The following CLEC2D variants were observed in gnomAD, a reference collection of about 807,000 sequenced individuals.
The protein encoded by CLEC2D is C-type lectin related f.
In CLEC2D, 16 loss-of-function variants were observed where a neutral mutation model predicts 20.0. The observed-to-expected ratio is 0.80, with a 90% CI of 0.54 to 1.22. CLEC2D has a LOEUF of 1.22. Among genes scored for constraint, CLEC2D ranks in the 50% most tolerant of loss-of-function variants. The pLI is 0.00. For missense variants in CLEC2D, 207 were observed against 221.5 expected, an observed-to-expected ratio of 0.93 and a Z score of 0.42; for synonymous variants, 77 against 71.1, an observed-to-expected ratio of 1.08 and a Z score of -0.42.
At position 9,695,962 on chromosome 12, in the gene CLEC2D, A is replaced by C. The variant is rs1316251011; in HGVS notation, c.*1088A>C. ...AGATACTCCAGCCAAAAATGCACAA[A>C]AGTCAAATCAGAATGGAAAAGACTC... is the stretch of plus-strand genomic sequence containing the variant. On this transcript the variant is annotated 3_prime_UTR_variant, in exon 5 of 5. Coordinates refer to ENST00000290855, the MANE Select transcript of CLEC2D (RefSeq NM_013269.6). The C allele has an allele frequency of 1.9e-6, 3 of 1,562,906 alleles. No homozygotes were observed. Among genetic ancestry groups the C allele is most frequent in the Non-Finnish European group, 2.6e-6 (3 of 1,148,738 alleles).
rs1283845735 is a variant in CLEC2D at position 9,694,997 on chromosome 12, A to G, written c.*123A>G. On this transcript the variant is annotated 3_prime_UTR_variant, in exon 5 of 5. Transcript: ENST00000290855. Reference sequence around the variant, plus strand: ...ATATGAAAATATGCTCAATATCACTAATAACTGGGAAAATACAAATCAAAA... The same window carrying G: ...ATATGAAAATATGCTCAATATCACTGATAACTGGGAAAATACAAATCAAAA... 9 of 620,128 alleles carry G rather than the reference A, an allele frequency of 1.5e-5. No individual in the cohort carries two copies. The highest frequency in any genetic ancestry group is 9.6e-5 in the South Asian group (5 of 52,120). 38.4% of individuals were successfully genotyped at this position (620,128 alleles called of 1,614,324 possible).
In CLEC2D at chr12:9,697,678, A is replaced by G. The variant is rs2121002733; in HGVS notation, c.*2804A>G. ...ATATACTAAGTGAAATAAGCCAGAC[A>G]CAGAAAAAAAATGTTGCATGATCTC... is the stretch of plus-strand genomic sequence containing the variant. On this transcript the variant is annotated 3_prime_UTR_variant, in exon 5 of 5. Transcript: ENST00000290855. 6.6e-6 allele frequency: 1 copy of G among 151,844 alleles called. No homozygotes were observed. The highest frequency in any genetic ancestry group is 1.5e-5 in the Non-Finnish European group (1 of 67,984). The allele number at this position is 151,844 out of a possible 1,614,324, so 9.4% of individuals were successfully genotyped here. A position where few individuals can be genotyped will look rare whatever the true frequency, so the allele number is the denominator to read the frequency against.
chr12:9,692,921 T>G lies in CLEC2D; in HGVS notation c.451T>G (p.Trp151Gly). The G allele has an allele frequency of 1.2e-6, 2 of 1,613,018 alleles. No homozygotes were observed. The highest frequency in any genetic ancestry group is 1.7e-6 in the Non-Finnish European group (2 of 1,179,148). The change falls in exon 4 of 5, where the codon TGG becomes GGG. Residue 151 changes from tryptophan (W) to glycine (G), a missense_variant. Coordinates refer to ENST00000290855, the MANE Select transcript of CLEC2D (RefSeq NM_013269.6). ...ATGGAAATGGATAAATGGTACTGAA[T>G]GGACAAGACAGTAAGTTCTAAAAAT... ...QPWKWINGTE[W>G]TRQFPILGAG...
Position 9,698,098 on chromosome 12 carries a change from ATT to A in CLEC2D, c.*3229_*3230del, listed in dbSNP as rs932526454. 1.4e-4 allele frequency: 21 copies of A among 152,270 alleles called. No homozygotes were observed. The East Asian group carries it at 4.0e-3, about 29-fold the overall frequency. The allele number at this position is 152,270 out of a possible 1,614,324, so 9.4% of individuals were successfully genotyped here. On this transcript the variant is annotated 3_prime_UTR_variant, in exon 5 of 5. Transcript: ENST00000290855. The stretch of plus-strand genomic sequence containing the variant: ...ATTTGCATTTTTAAAGGATATTTTT[ATT>A]TTTTAAATTTTTAGCTGACAACTGT...
intron 1 of CLEC2D, among the ~76,000 whole-genome samples, chr12:9,673,706 G>A (rs1865467225): frequency 6.6e-6 from 1 of 152,216 alleles, no homozygotes; most frequent in South Asian, 2.1e-4. Context: ...CTGACTCAGC[G>A]AGATGAGAGT....
At chr12:9,680,328 C>T (rs1173233370) in intron 1 of CLEC2D, 1 of 193,618 alleles carries the variant, frequency 5.2e-6, no homozygotes, top group South Asian at 7.5e-5. Flanking sequence ...ATTATCCAGT[C>T]TTGGGCAGTT....
intron 1 of CLEC2D, among the ~76,000 whole-genome samples, chr12:9,673,812 G>C (rs11052327): frequency 0.059 from 9,016 of 152,306 alleles, 319 homozygotes; most frequent in Non-Finnish European, 0.084. Flanking sequence ...TAAAGAGGCA[G>C]TCTGGCCACA....
intron 1 of CLEC2D, chr12:9,674,017 G>A (rs1865474185): frequency 6.6e-6 from 1 of 152,348 alleles, no homozygotes; most frequent in Non-Finnish European, 1.5e-5. Context: ...TAGCTTGCAG[G>A]GATCCATGGG....
chr12:9,675,810 T>C (rs1865510125), intron 1 of CLEC2D, among the ~76,000 whole-genome samples: 1 of 152,276 alleles, frequency 6.6e-6, no homozygotes, highest in African/African-American at 2.4e-5. Context: ...CTTCATTGAT[T>C]TCATTCATCA....
At chr12:9,681,458 C>T (rs1260386342) in intron 2 of CLEC2D, among the ~76,000 whole-genome samples, 1 of 152,156 alleles carries the variant, frequency 6.6e-6, no homozygotes, top group Non-Finnish European at 1.5e-5. Context: ...CCTGTTCTTT[C>T]TTCCTAGCTA....
chr12:9,678,595 G>A (rs1825903322), intron 1 of CLEC2D, among the ~76,000 whole-genome samples: 1 of 152,082 alleles, frequency 6.6e-6, no homozygotes, highest in Non-Finnish European at 1.5e-5. Context: ...GCTAGAGTGT[G>A]GTGGTATAAT....
Position 9,697,553 on chromosome 12 carries a change from CTT to C in CLEC2D, c.*2681_*2682del, listed in dbSNP as rs1211276964. The C allele has an allele frequency of 1.7e-4, 25 of 150,136 alleles. No individual in the cohort carries two copies. The highest frequency in any genetic ancestry group is 1.5e-3 in the Admixed American group (22 of 15,114). The allele number at this position is 150,136 out of a possible 1,614,324, so 9.3% of individuals were successfully genotyped here. On this transcript the variant is annotated 3_prime_UTR_variant, in exon 5 of 5. Transcript: ENST00000290855. ...CACCTCTATATTTCTGTGTGTGTGT[CTT>C]TAGTTCCTCTGGCGCTGCTGGGTTA...
Position 9,696,056 on chromosome 12 carries a change from C to T in CLEC2D, c.*1182C>T. The T allele has an allele frequency of 7.9e-7, 1 of 1,264,464 alleles. No homozygotes were observed. The highest frequency in any genetic ancestry group is 1.1e-6 in the Non-Finnish European group (1 of 876,104). The allele number at this position is 1,264,464 out of a possible 1,614,324, so 78.3% of individuals were successfully genotyped here. A position where few individuals can be genotyped will look rare whatever the true frequency, so the allele number is the denominator to read the frequency against. On this transcript the variant is annotated 3_prime_UTR_variant, in exon 5 of 5. Transcript: ENST00000290855. ...AAAAAACAGGAAAAATCTCCTAAAA[C>T]ACCAAAAGGATCTAGTTCTGTAGAA...
In CLEC2D at chr12:9,681,016, T is replaced by C; in HGVS notation, c.155T>C (p.Met52Thr). 6.3e-7 allele frequency: 1 copy of C among 1,578,310 alleles called. No homozygotes were observed. The highest frequency in any genetic ancestry group is 8.7e-7 in the Non-Finnish European group (1 of 1,148,592). Residue 52 changes from methionine to threonine, a missense_variant, in exon 2 of 5, where the codon ATG (methionine) becomes ACG (threonine). Physicochemically the swap from Met to Thr is moderately conservative, Grantham distance 81. Transcript: ENST00000290855. ...TTTCTGACAATCATAGTGTGTGGAA[T>C]GGTTGCTGCTTTAAGCGGTAAGTGA... ...IMFLTIIVCG[M>T]VAALSAIRAN...
intron 1 of CLEC2D, among the ~76,000 whole-genome samples, chr12:9,675,142 G>A (rs1865496070): frequency 6.7e-6 from 1 of 148,896 alleles, no homozygotes; most frequent in African/African-American, 2.5e-5. Context: ...TTTCTTTTTA[G>A]TCTGCTACTC....
chr12:9,692,420 G>T (rs1362893809), intron 3 of CLEC2D, among the ~76,000 whole-genome samples: 1 of 152,110 alleles, frequency 6.6e-6, no homozygotes, highest in Non-Finnish European at 1.5e-5. Flanking sequence ...GATTACAGGT[G>T]CTTGGCCTGG....
At chr12:9,676,643 A>T (rs1247729845) in intron 1 of CLEC2D, among the ~76,000 whole-genome samples, 1 of 152,044 alleles carries the variant, frequency 6.6e-6, no homozygotes, top group Non-Finnish European at 1.5e-5. Context: ...TTTTCTTGTG[A>T]TGTCTTAATC....
Position 9,683,338 on chromosome 12 carries a change from T to TG in CLEC2D, c.172+2305_172+2306insG, listed in dbSNP as rs1477495171. On this transcript the variant is annotated intron_variant, in intron 2 of 4. Coordinates refer to ENST00000290855, the MANE Select transcript of CLEC2D (RefSeq NM_013269.6). ...TGATAGTTTGTTTTTTGTGTTTGTT[T>TG]TTTTTTTTTTTTTTTTGTGCAGAAG... is the stretch of plus-strand genomic sequence containing the variant. Among the ~76,000 whole-genome samples the TG allele has an allele frequency of 6.8e-4, 55 of 81,376 alleles. 2 individuals are homozygous for TG. The highest frequency in any genetic ancestry group is 9.1e-3 in the Middle Eastern group (1 of 110). 53.4% of individuals were successfully genotyped at this position (81,376 alleles called of 152,430 possible).
At chr12:9,691,491 T>C (rs1457699999) in intron 3 of CLEC2D, among the ~76,000 whole-genome samples, 1 of 152,156 alleles carries the variant, frequency 6.6e-6, no homozygotes, top group Non-Finnish European at 1.5e-5. Context: ...TGGAACATTC[T>C]TAAACCATAT....
Sources: allele counts gnomAD v4.1 joint callset (sites outside exome capture counted in the v4.1 genomes callset), GRCh38; gene constraint gnomAD v4.1.1; transcripts MANE v1.5; gene names NCBI Gene and HGNC (gene_info 2026-07-23, HGNC 2026-07-21).